Variants in PTPRN2 observed in about 807,000 individuals in gnomAD.
PTPRN2 encodes the protein receptor-type tyrosine-protein phosphatase N2.
PTPRN2 carries 74 observed loss-of-function variants against 118.8 expected under a neutral mutation model. The observed-to-expected ratio is 0.62, with a 90% CI of 0.52 to 0.76. PTPRN2 has a LOEUF of 0.76. PTPRN2 is among the 30% of genes least tolerant of loss of function. The pLI, the probability that PTPRN2 is intolerant of heterozygous loss-of-function variation, is 0.00. For missense variants in PTPRN2, 1,481 were observed against 1,394.4 expected (o/e 1.06, Z -0.99); for synonymous variants, 641 against 608.0 (o/e 1.05, Z -0.80).
rs562681501 is a variant in PTPRN2 at position 157,733,149 on chromosome 7, C to T, written c.1789-50212G>A. Among the ~76,000 whole-genome samples the T allele has an allele frequency of 2.3e-4, 10 of 44,416 alleles. 2 individuals carry two copies. The highest frequency in any genetic ancestry group is 3.5e-4 in the Non-Finnish European group (8 of 22,616). 29.1% of individuals were successfully genotyped at this position (44,416 alleles called of 152,430 possible). On this transcript the variant is annotated intron_variant, in intron 12 of 22. Transcript: ENST00000389418. ...GGCGCCCAGCACAGTTACTCTTTCC[C>T]GTCCCAGGCGCCCAGCACAGTTACC...
intron 12 of PTPRN2, among the ~76,000 whole-genome samples, chr7:157,849,637 A>G (rs963027847): frequency 2.6e-5 from 4 of 151,926 alleles, no homozygotes; most frequent in Non-Finnish European, 5.9e-5. Flanking sequence ...CCCACACAAA[A>G]CCCATCTAAA....
intron 11 of PTPRN2, among the ~76,000 whole-genome samples, chr7:157,960,476 T>C (rs1801453366): frequency 6.6e-6 from 1 of 152,266 alleles, no homozygotes; most frequent in African/African-American, 2.4e-5. Context: ...ACAGATAAAA[T>C]ATAGATACAT....
At chr7:157,975,078 G>C (rs1802640979) in intron 11 of PTPRN2, among the ~76,000 whole-genome samples, 1 of 152,122 alleles carries the variant, frequency 6.6e-6, no homozygotes. Flanking sequence ...GCCTCCATCA[G>C]CAGGGTGCAG....
intron 2 of PTPRN2, among the ~76,000 whole-genome samples, chr7:158,327,387 A>ACG (rs1803718563): frequency 6.6e-6 from 1 of 150,634 alleles, no homozygotes; most frequent in Non-Finnish European, 1.5e-5. Flanking sequence ...TATCACATGC[A>ACG]CACACATGCT....
chr7:158,317,886 G>C (rs1038980424), intron 2 of PTPRN2, among the ~76,000 whole-genome samples: 13 of 152,194 alleles, frequency 8.5e-5, no homozygotes, highest in African/African-American at 2.9e-4. Flanking sequence ...CACGACGACG[G>C]GGCCGGGTGA....
chr7:157,939,906 G>T (rs1456018102), intron 11 of PTPRN2, among the ~76,000 whole-genome samples: 2 of 152,202 alleles, frequency 1.3e-5, no homozygotes, highest in African/African-American at 4.8e-5. Context: ...TGGAGGCAAT[G>T]CTTCCTGAAT....
rs187186820 is a variant in PTPRN2, at chr7:158,586,796, G to A, written c.112+762C>T. Among the ~76,000 whole-genome samples, 750 of 152,292 alleles carry A rather than the reference G, an allele frequency of 4.9e-3. 4 individuals are homozygous for A. Among genetic ancestry groups the A allele is most frequent in the Non-Finnish European group, 8.6e-3 (585 of 68,012 alleles). On this transcript the variant is annotated intron_variant, in intron 1 of 22. Transcript: ENST00000389418. ...ACGCAGGTAGAAGCGGGTGCAGCGG[G>A]ACATCCGAGGCCCGGCCCCTCGCGG...
chr7:158,449,707 A>G (rs764382975), intron 2 of PTPRN2, among the ~76,000 whole-genome samples: 1 of 152,222 alleles, frequency 6.6e-6, no homozygotes, highest in Non-Finnish European at 1.5e-5. Context: ...TCAGTGTGGT[A>G]ATGGAGCCAG....
intron 12 of PTPRN2, among the ~76,000 whole-genome samples, chr7:157,847,188 ACGTG>A (rs1309844063): frequency 5.6e-4 from 69 of 123,958 alleles, no homozygotes; most frequent in East Asian, 2.3e-3. Flanking sequence ...TCACTCCATC[ACGTG>A]TGCCCGATGT....
chr7:157,686,807 G>A (rs1797219077), intron 12 of PTPRN2, among the ~76,000 whole-genome samples: 2 of 152,138 alleles, frequency 1.3e-5, no homozygotes, highest in South Asian at 2.1e-4. Flanking sequence ...GTAACACAGC[G>A]GCAGGGGTGC....
rs372828305 is a variant in PTPRN2 at position 158,399,644 on chromosome 7, A to C, written c.164-82712T>G. On this transcript the variant is annotated intron_variant, in intron 2 of 22. Transcript: ENST00000389418. ...GCACTGCAGCCTGGGTGATAAAGCA[A>C]GATCCTGTCTCAAGAAAAGAAAGAA... Among the ~76,000 whole-genome samples, 39 of 152,302 alleles carry C rather than the reference A, an allele frequency of 2.6e-4. 3 individuals carry two copies. The South Asian group carries it at 8.1e-3, about 32-fold the overall frequency.
chr7:157,850,719 G>A (rs1809213372), intron 12 of PTPRN2, among the ~76,000 whole-genome samples: 1 of 152,188 alleles, frequency 6.6e-6, no homozygotes. Flanking sequence ...AGGTTCCTGG[G>A]AGTCCTGCAG....
At chr7:158,450,499 C>G (rs1452750113) in intron 2 of PTPRN2, among the ~76,000 whole-genome samples, 1 of 152,200 alleles carries the variant, frequency 6.6e-6, no homozygotes, top group East Asian at 1.9e-4. Flanking sequence ...AAACAGCACT[C>G]AAGAAATAGT....
intron 12 of PTPRN2, among the ~76,000 whole-genome samples, chr7:157,703,248 T>C (rs546081847): frequency 3.3e-5 from 5 of 152,304 alleles, no homozygotes; most frequent in Admixed American, 3.3e-4. Context: ...GCAGCAGAGA[T>C]GGCTGCTAAG....
chr7:157,847,967 C>T (rs895724310), intron 12 of PTPRN2, among the ~76,000 whole-genome samples: 4 of 149,764 alleles, frequency 2.7e-5, no homozygotes, highest in Admixed American at 1.3e-4. Context: ...CATGTATGCC[C>T]GATGTTTACA....
chr7:158,306,017 G>T (rs1473985314), intron 3 of PTPRN2, among the ~76,000 whole-genome samples: 1 of 152,128 alleles, frequency 6.6e-6, no homozygotes, highest in Non-Finnish European at 1.5e-5. Flanking sequence ...CATTCCCAGA[G>T]AATTGTCACT....
chr7:157,844,002 C>A (rs760629633), intron 12 of PTPRN2, among the ~76,000 whole-genome samples: 13 of 152,242 alleles, frequency 8.5e-5, no homozygotes, highest in Non-Finnish European at 1.5e-4. Flanking sequence ...CAGAGAAAGA[C>A]TCTGACCCCC....
At chr7:157,747,433 C>T (rs1337333867) in intron 12 of PTPRN2, among the ~76,000 whole-genome samples, 14 of 79,010 alleles carry the variant, frequency 1.8e-4, no homozygotes, top group South Asian at 5.3e-4. Flanking sequence ...TTTGGGCTGT[C>T]CGGGTGATTC....
intron 3 of PTPRN2, among the ~76,000 whole-genome samples, chr7:158,224,662 G>A (rs1254729485): frequency 4.6e-5 from 7 of 152,140 alleles, no homozygotes; most frequent in Admixed American, 4.6e-4. Context: ...TTGGAAGCTA[G>A]AGCTAGGCAA....
Sources: gnomAD v4.1 joint callset for allele counts (sites outside exome capture counted in the v4.1 genomes callset) on GRCh38, gnomAD v4.1.1 for gene constraint, MANE v1.5 for transcripts, NCBI Gene and HGNC (gene_info 2026-07-23, HGNC 2026-07-21) for gene names.